Variants in HIPK3 observed in about 807,000 individuals in gnomAD.
HIPK3 encodes the protein homeodomain interacting protein kinase 3, also known as homeodomain-interacting protein kinase 3.
A neutral mutation model predicts 124.2 loss-of-function variants in HIPK3; 47 were observed. The ratio of observed to expected loss-of-function variants is 0.38; its 90% CI spans 0.30 to 0.48. The LOEUF is 0.48. Among genes scored for constraint, HIPK3 ranks in the 20% least tolerant of loss-of-function variants. The probability of loss-of-function intolerance (pLI) is 0.98; values close to 1 mark genes in which losing one functional copy is unlikely to be tolerated. For missense variants in HIPK3, 1,286 were observed against 1,454.3 expected, an observed-to-expected ratio of 0.88 and a Z score of 1.88; for synonymous variants, 482 against 515.2, an observed-to-expected ratio of 0.94 and a Z score of 0.87.
chr11:33,271,521 G>T (rs1385949092), intron 1 of HIPK3, among the ~76,000 whole-genome samples: 3 of 152,130 alleles, frequency 2.0e-5, no homozygotes, highest in Non-Finnish European at 4.4e-5. Flanking sequence ...AGGCATGATT[G>T]TGCCACTGCA....
rs530470962 is a variant in HIPK3 at position 33,350,511 on chromosome 11, T to TA, written c.2808-1081dup. On this transcript the variant is annotated intron_variant, in intron 14 of 16. Transcript: ENST00000303296. ...GTGAGACCCCGCCTCTACCAAAAAT[T>TA]AAAAAAAAAAAAAAAAGCAGGATGT... is the stretch of plus-strand genomic sequence containing the variant. Among the ~76,000 whole-genome samples, 1,064 of 132,282 alleles carry TA rather than the reference T, an allele frequency of 8.0e-3. 5 individuals are homozygous for TA. Among genetic ancestry groups the TA allele is most frequent in the Non-Finnish European group, 0.013 (765 of 60,262 alleles). The allele number at this position is 132,282 out of a possible 152,430, so 86.8% of individuals were successfully genotyped here.
intron 2 of HIPK3, among the ~76,000 whole-genome samples, chr11:33,293,711 T>C (rs1590367053): frequency 6.6e-6 from 1 of 152,292 alleles, no homozygotes; most frequent in East Asian, 1.9e-4. Flanking sequence ...AAAAGATATG[T>C]GAATAGAAAC....
chr11:33,279,814 C>T (rs1851365695), intron 1 of HIPK3, among the ~76,000 whole-genome samples: 1 of 152,104 alleles, frequency 6.6e-6, no homozygotes, highest in Admixed American at 6.6e-5. Flanking sequence ...GGTGAGGGCT[C>T]ACTTTCTCCT....
intron 2 of HIPK3, among the ~76,000 whole-genome samples, chr11:33,293,858 C>A (rs967614040): frequency 1.4e-4 from 21 of 151,752 alleles, no homozygotes; most frequent in African/African-American, 5.1e-4. Context: ...AATGGGTAGA[C>A]AAAGAACAAA....
chr11:33,344,739 T>G (rs1853443019), intron 8 of HIPK3, among the ~76,000 whole-genome samples: 1 of 152,224 alleles, frequency 6.6e-6, no homozygotes, highest in Non-Finnish European at 1.5e-5. Flanking sequence ...CAGGTGCAGT[T>G]GCAGCAACAG....
chr11:33,304,449 C>A (rs561005064), intron 2 of HIPK3, among the ~76,000 whole-genome samples: 1 of 151,742 alleles, frequency 6.6e-6, no homozygotes, highest in African/African-American at 2.4e-5. Context: ...CCCAGCTACT[C>A]GGGAGGTTGA....
intron 2 of HIPK3, among the ~76,000 whole-genome samples, chr11:33,311,869 C>CACACACA (rs749157530): frequency 2.1e-4 from 10 of 46,974 alleles, no homozygotes; most frequent in East Asian, 5.3e-4. Flanking sequence ...CACACACACA[C>CACACACA]TACACACACA....
intron 1 of HIPK3, among the ~76,000 whole-genome samples, chr11:33,261,099 T>A (rs927461829): frequency 5.4e-4 from 78 of 145,264 alleles, no homozygotes; most frequent in African/African-American, 1.8e-3. Flanking sequence ...AGGGATTATA[T>A]GTATATATAT....
At chr11:33,272,270 G>A (rs958450832) in intron 1 of HIPK3, among the ~76,000 whole-genome samples, 6 of 151,980 alleles carry the variant, frequency 3.9e-5, no homozygotes, top group African/African-American at 1.5e-4. Flanking sequence ...GTGGTGGCAG[G>A]TGCCTGTAAT....
At chr11:33,260,069 C>T (rs1391744173) in intron 1 of HIPK3, among the ~76,000 whole-genome samples, 3 of 152,016 alleles carry the variant, frequency 2.0e-5, no homozygotes, top group Non-Finnish European at 4.4e-5. Context: ...ATAAACTGGT[C>T]ATTGGCTTTT....
chr11:33,260,547 TA>T (rs1850794334), intron 1 of HIPK3, among the ~76,000 whole-genome samples: 1 of 152,228 alleles, frequency 6.6e-6, no homozygotes, highest in Non-Finnish European at 1.5e-5. Flanking sequence ...TTTTACCAGG[TA>T]AGAGAGTTAA....
intron 1 of HIPK3, among the ~76,000 whole-genome samples, chr11:33,280,760 CTA>C (rs1851391552): frequency 6.6e-6 from 1 of 152,152 alleles, no homozygotes; most frequent in Non-Finnish European, 1.5e-5. Context: ...AAAAATTTCT[CTA>C]TGTCAGTTAT....
At chr11:33,257,056 T>A (rs1850682253), upstream of HIPK3, among the ~76,000 whole-genome samples, 2 of 152,326 alleles carry the variant, frequency 1.3e-5, no homozygotes, top group Non-Finnish European at 1.5e-5. Flanking sequence ...GGATCTTTTT[T>A]AAAAATGTGT....
intron 2 of HIPK3, among the ~76,000 whole-genome samples, chr11:33,321,045 C>G (rs1247126372): frequency 6.6e-6 from 1 of 152,062 alleles, no homozygotes; most frequent in East Asian, 1.9e-4. Flanking sequence ...TTCAGATACC[C>G]CAAAGTTTAA....
chr11:33,311,382 T>C (rs1287598903), intron 2 of HIPK3, among the ~76,000 whole-genome samples: 1 of 152,210 alleles, frequency 6.6e-6, no homozygotes, highest in Non-Finnish European at 1.5e-5. Flanking sequence ...GACGAAGTCT[T>C]GCAGCCCAGA....
At chr11:33,335,669 T>C (rs899323006) in intron 3 of HIPK3, 1 of 151,948 alleles carries the variant, frequency 6.6e-6, no homozygotes, top group Non-Finnish European at 1.5e-5. Context: ...ATAGAAGATA[T>C]TGAACATTTT....
Position 33,267,913 on chromosome 11 carries a change from A to G in HIPK3, c.-3+10024A>G, listed in dbSNP as rs1020459618. The stretch of plus-strand genomic sequence containing the variant: ...TGTTTGGCTCCTAGTATAATTGTAT[A>G]TAATACAGTATTCTTGGCCAAGCTT... On this transcript the variant is annotated intron_variant, in intron 1 of 16. Transcript: ENST00000303296. 4.6e-5 allele frequency among the ~76,000 whole-genome samples: 7 copies of G among 152,322 alleles called. No homozygotes were observed. The South Asian group carries it at 6.2e-4, about 14-fold the overall frequency.
At chr11:33,350,896 C>T (rs1050699683) in intron 14 of HIPK3, among the ~76,000 whole-genome samples, 17 of 152,112 alleles carry the variant, frequency 1.1e-4, no homozygotes, top group South Asian at 6.2e-4. Context: ...TGATAATGTA[C>T]ATAACTATAC....
chr11:33,304,097 C>G (rs184687545), intron 2 of HIPK3, among the ~76,000 whole-genome samples: 1 of 152,080 alleles, frequency 6.6e-6, no homozygotes, highest in Non-Finnish European at 1.5e-5. Flanking sequence ...TGCACCAGCA[C>G]GTCCAGCTAA....
Sources: allele counts gnomAD v4.1 joint callset (sites outside exome capture counted in the v4.1 genomes callset), GRCh38; gene constraint gnomAD v4.1.1; transcripts MANE v1.5; gene names NCBI Gene and HGNC (gene_info 2026-07-23, HGNC 2026-07-21).